The following PBLD variants were observed in gnomAD, a reference collection of about 807,000 sequenced individuals.
PBLD encodes phenazine biosynthesis like protein domain containing, also known as phenazine biosynthesis-like domain-containing protein.
A neutral mutation model predicts 31.3 loss-of-function variants in PBLD; 26 were observed. That is an observed-to-expected ratio of 0.83 (90% CI 0.61 to 1.15). The LOEUF (loss-of-function observed/expected upper bound fraction) is 1.15, where lower values mean the gene tolerates loss of function less well. Ranked by LOEUF, PBLD falls within the 50% of genes most tolerant of loss-of-function variation. PBLD has a pLI of 0.00. For missense variants in PBLD, 307 were observed against 351.7 expected, an observed-to-expected ratio of 0.87 and a Z score of 1.02; for synonymous variants, 114 against 129.0, an observed-to-expected ratio of 0.88 and a Z score of 0.79.
intron 2 of PBLD, among the ~76,000 whole-genome samples, chr10:68,297,651 A>G (rs1201421620): frequency 1.3e-5 from 2 of 152,240 alleles, no homozygotes; most frequent in African/African-American, 4.8e-5. Flanking sequence ...GTAGGAGATC[A>G]GTAAACATTT....
Position 68,325,754 on chromosome 10 carries a change from G to A in PBLD, c.-60+7030C>T, listed in dbSNP as rs531616402. 2.6e-4 allele frequency among the ~76,000 whole-genome samples: 40 copies of A among 152,140 alleles called. 1 individual carries two copies. In the South Asian group the frequency reaches 7.7e-3, roughly 29 times the overall value. On this transcript the variant is annotated intron_variant, in intron 1 of 9. Coordinates refer to ENST00000358769, the MANE Select transcript of PBLD (RefSeq NM_022129.4). ...ACATCCATGCCTTGGATCTTACTGC[G>A]TCCTCAACTGTAAATGCTTTTCCTA...
chr10:68,316,968 A>G (rs2044744285), intron 1 of PBLD, among the ~76,000 whole-genome samples: 1 of 152,170 alleles, frequency 6.6e-6, no homozygotes, highest in African/African-American at 2.4e-5. Flanking sequence ...AGCTGAGATC[A>G]TGCCACTGCA....
rs548598457 is a variant in PBLD at position 68,308,969 on chromosome 10, G to T, written c.-59-2066C>A. Among the ~76,000 whole-genome samples the T allele has an allele frequency of 3.3e-5, 5 of 149,944 alleles. No homozygotes were observed. The South Asian group carries it at 1.1e-3, about 32-fold the overall frequency. Reference sequence around the variant, plus strand: ...TGTAGGAAAATCAGAAAGCTTCCTTGTCCAAATAGCTTAGTCATTAAACCT... The same window carrying T: ...TGTAGGAAAATCAGAAAGCTTCCTTTTCCAAATAGCTTAGTCATTAAACCT... On this transcript the variant is annotated intron_variant, in intron 1 of 9. Transcript: ENST00000358769.
At chr10:68,287,911 G>A (rs1466773986) in intron 8 of PBLD, 2 of 152,348 alleles carry the variant, frequency 1.3e-5, no homozygotes, top group East Asian at 3.9e-4. Flanking sequence ...ACAAAAATTA[G>A]CCGGGTGTAG....
At chr10:68,285,438 A>T in intron 8 of PBLD, 28 bp from the exon 9 acceptor site, 1 of 1,576,344 alleles carries the variant, frequency 6.3e-7, no homozygotes, top group Non-Finnish European at 8.6e-7. Flanking sequence ...GTTAGGAGAC[A>T]ATCCCCAAGA....
intron 8 of PBLD, chr10:68,287,651 G>A (rs2044305634): frequency 6.6e-6 from 1 of 152,334 alleles, no homozygotes; most frequent in Admixed American, 6.5e-5. Flanking sequence ...CCCAAAGAGA[G>A]GGAGAGTAGG....
chr10:68,319,280 G>A lies in PBLD; in HGVS notation c.-59-12377C>T, dbSNP rs1382430564. Among the ~76,000 whole-genome samples the A allele has an allele frequency of 2.0e-5, 3 of 151,998 alleles. No individual in the cohort carries two copies. The East Asian group carries it at 5.8e-4, about 29-fold the overall frequency. ...GAACAACAAAGACATGAGACATGTA[G>A]AAAACAAATATCAAAATAGCAGTCA... On this transcript the variant is annotated intron_variant, in intron 1 of 9. Coordinates refer to ENST00000358769, the MANE Select transcript of PBLD (RefSeq NM_022129.4).
At chr10:68,306,675 C>T in intron 2 of PBLD, 86 bp downstream of exon 2, 1 of 1,231,578 alleles carries the variant, frequency 8.1e-7, no homozygotes, top group South Asian at 1.3e-5. Context: ...GGTAAACAAA[C>T]AGGTGAAACT....
At chr10:68,284,319 G>C (rs771768096) in intron 9 of PBLD, 30 bp from the exon 10 acceptor site, 1 of 1,548,600 alleles carries the variant, frequency 6.5e-7, no homozygotes, top group South Asian at 1.1e-5. Context: ...CAAATTAAGA[G>C]TATTTTCACC....
chr10:68,330,120 A>G lies in PBLD; in HGVS notation c.-60+2664T>C, dbSNP rs372177692. Reference sequence around the variant, plus strand: ...CTTGTTTGGTTTTCCATCTCTTTTAATGATGATAACACTGTCCTTTCTTCC... The same window carrying G: ...CTTGTTTGGTTTTCCATCTCTTTTAGTGATGATAACACTGTCCTTTCTTCC... On this transcript the variant is annotated intron_variant, in intron 1 of 9. Coordinates refer to ENST00000358769, the MANE Select transcript of PBLD (RefSeq NM_022129.4). Among the ~76,000 whole-genome samples, 13 of 152,182 alleles carry G rather than the reference A, an allele frequency of 8.5e-5. No homozygotes were observed. In the East Asian group the frequency reaches 2.3e-3, roughly 27 times the overall value.
chr10:68,316,216 G>A (rs1478105146), intron 1 of PBLD, among the ~76,000 whole-genome samples: 1 of 151,888 alleles, frequency 6.6e-6, no homozygotes, highest in South Asian at 2.1e-4. Context: ...AAAAACAAAA[G>A]GAAACCAAGT....
At chr10:68,292,091 T>A (rs2044366451) in intron 5 of PBLD, 38 bp downstream of exon 5, 2 of 1,601,364 alleles carry the variant, frequency 1.2e-6, no homozygotes, top group Admixed American at 3.4e-5. Context: ...GAGCTGTCGG[T>A]TGTAGATGGC....
chr10:68,300,087 C>T (rs1263447912), intron 2 of PBLD, among the ~76,000 whole-genome samples: 1 of 151,906 alleles, frequency 6.6e-6, no homozygotes, highest in Non-Finnish European at 1.5e-5. Flanking sequence ...GATGGAGTTT[C>T]ACCATGTTGC....
At chr10:68,299,742 G>C (rs2044480582) in intron 2 of PBLD, among the ~76,000 whole-genome samples, 1 of 152,004 alleles carries the variant, frequency 6.6e-6, no homozygotes, top group Non-Finnish European at 1.5e-5. Context: ...TGTAATCCCA[G>C]CTACTCAGGA....
chr10:68,327,144 C>A (rs1355350932), intron 1 of PBLD, among the ~76,000 whole-genome samples: 1 of 152,118 alleles, frequency 6.6e-6, no homozygotes, highest in East Asian at 1.9e-4. Context: ...CTGGGACTCC[C>A]TGATTATGAA....
At chr10:68,302,227 T>G (rs1280234696) in intron 2 of PBLD, among the ~76,000 whole-genome samples, 1 of 152,210 alleles carries the variant, frequency 6.6e-6, no homozygotes, top group Non-Finnish European at 1.5e-5. Context: ...CCATTTCCCT[T>G]TGGCCATCTC....
In PBLD at chr10:68,284,061, TAAC is replaced by T; in HGVS notation, c.*113_*115del. On this transcript the variant is annotated 3_prime_UTR_variant, in exon 10 of 10. Transcript: ENST00000358769. The stretch of plus-strand genomic sequence containing the variant: ...TGCGCCTGGCCCATTTTTCGATTTT[TAAC>T]ATGAGGATTAAGTAGACTACTACGC... 9.7e-7 allele frequency: 1 copy of T among 1,034,852 alleles called. No individual in the cohort carries two copies. The highest frequency in any genetic ancestry group is 1.6e-5 in the South Asian group (1 of 63,142). The allele number at this position is 1,034,852 out of a possible 1,614,324, so 64.1% of individuals were successfully genotyped here.
chr10:68,304,752 A>G (rs10733843), intron 2 of PBLD, among the ~76,000 whole-genome samples: 119,814 of 152,162 alleles, frequency 0.79, 47,813 homozygotes, highest in Non-Finnish European at 0.86. Flanking sequence ...TATTACATGC[A>G]GACATGGGGC....
intron 8 of PBLD, among the ~76,000 whole-genome samples, chr10:68,286,077 G>C (rs2044283541): frequency 8.0e-6 from 1 of 124,748 alleles, no homozygotes; most frequent in South Asian, 2.7e-4. Context: ...CAAGGCCTTT[G>C]AATAATTCTT....
Sources: allele counts gnomAD v4.1 joint callset (sites outside exome capture counted in the v4.1 genomes callset), GRCh38; gene constraint gnomAD v4.1.1; transcripts MANE v1.5; gene names NCBI Gene and HGNC (gene_info 2026-07-23, HGNC 2026-07-21).